The following PKP4 variants were observed in gnomAD, a reference collection of about 807,000 sequenced individuals.
The protein encoded by PKP4 is plakophilin-4.
In PKP4, 90 loss-of-function variants were observed where a neutral mutation model predicts 145.1. The ratio of observed to expected loss-of-function variants is 0.62; its 90% CI spans 0.52 to 0.74. The LOEUF is 0.74. Ranked by LOEUF, PKP4 falls within the 30% of genes least tolerant of loss-of-function variation. The probability of loss-of-function intolerance (pLI) is 0.00; values close to 1 mark genes in which losing one functional copy is unlikely to be tolerated. For missense variants in PKP4, 1,340 were observed against 1,482.7 expected, an observed-to-expected ratio of 0.90 and a Z score of 1.58; for synonymous variants, 563 against 577.2, an observed-to-expected ratio of 0.98 and a Z score of 0.35.
At position 158,554,429 on chromosome 2, in the gene PKP4, A is replaced by ATTTTT. The variant is rs563557560; in HGVS notation, c.132+21123_132+21127dup. 1.9e-3 allele frequency among the ~76,000 whole-genome samples: 273 copies of ATTTTT among 141,186 alleles called. 2 individuals carry two copies. The highest frequency in any genetic ancestry group is 6.8e-3 in the African/African-American group (263 of 38,406). 92.6% of individuals were successfully genotyped at this position (141,186 alleles called of 152,430 possible). A position where few individuals can be genotyped will look rare whatever the true frequency, so the allele number is the denominator to read the frequency against. The stretch of plus-strand genomic sequence containing the variant: ...TCACTCAGAAATAATTATTATTATT[A>ATTTTT]TTTTTTTTTTTTTTGAGACGGAGTC... On this transcript the variant is annotated intron_variant, in intron 2 of 21. Transcript: ENST00000389759.
At chr2:158,631,990 G>A in intron 8 of PKP4, 49 bp downstream of exon 8, 1 of 1,541,548 alleles carries the variant, frequency 6.5e-7, no homozygotes, top group Non-Finnish European at 9.0e-7. Flanking sequence ...AGGCCCCACA[G>A]TAGAAGTGTT....
At chr2:158,556,121 A>C (rs76230940) in intron 2 of PKP4, among the ~76,000 whole-genome samples, 1 of 152,368 alleles carries the variant, frequency 6.6e-6, no homozygotes, top group Non-Finnish European at 1.5e-5. Flanking sequence ...TGACATTGGC[A>C]AGTTTTGAAA....
At chr2:158,578,854 T>C (rs911597261) in intron 3 of PKP4, among the ~76,000 whole-genome samples, 1 of 152,122 alleles carries the variant, frequency 6.6e-6, no homozygotes, top group Non-Finnish European at 1.5e-5. Context: ...AATCCCCAGA[T>C]ATTGAAACTA....
At chr2:158,607,584 G>A (rs541639349) in intron 4 of PKP4, among the ~76,000 whole-genome samples, 2 of 152,062 alleles carry the variant, frequency 1.3e-5, no homozygotes, top group Admixed American at 6.6e-5. Flanking sequence ...GGCTTCAGAC[G>A]GGGAGATTTC....
intron 1 of PKP4, among the ~76,000 whole-genome samples, chr2:158,509,510 G>A (rs1328625473): frequency 2.0e-5 from 3 of 152,134 alleles, no homozygotes; most frequent in Admixed American, 6.5e-5. Context: ...TGAGACATAA[G>A]ACAATCAAGA....
At chr2:158,476,256 C>A (rs115077503) in intron 1 of PKP4, among the ~76,000 whole-genome samples, 1 of 152,136 alleles carries the variant, frequency 6.6e-6, no homozygotes, top group South Asian at 2.1e-4. Context: ...ACATGTACAG[C>A]GAAAAATGTG....
At chr2:158,564,884 C>G (rs1268466330) in intron 2 of PKP4, among the ~76,000 whole-genome samples, 1 of 152,162 alleles carries the variant, frequency 6.6e-6, no homozygotes, top group South Asian at 2.1e-4. Context: ...TTGCATCTGG[C>G]TCTTTAATTC....
At chr2:158,651,555 C>T (rs916268946) in intron 11 of PKP4, among the ~76,000 whole-genome samples, 6 of 152,078 alleles carry the variant, frequency 3.9e-5, no homozygotes, top group Non-Finnish European at 7.3e-5. Flanking sequence ...GTCACCTCTT[C>T]TGCTTCTTTC....
chr2:158,480,493 T>A (rs1458470600), intron 1 of PKP4, among the ~76,000 whole-genome samples: 1 of 151,428 alleles, frequency 6.6e-6, no homozygotes, highest in Non-Finnish European at 1.5e-5. Flanking sequence ...TACCTTGGCC[T>A]CCCAAAGTAG....
At chr2:158,545,697 C>T (rs1366816419) in intron 2 of PKP4, among the ~76,000 whole-genome samples, 1 of 152,058 alleles carries the variant, frequency 6.6e-6, no homozygotes, top group Non-Finnish European at 1.5e-5. Context: ...AAACCTGGTA[C>T]CATAGTTATT....
intron 4 of PKP4, among the ~76,000 whole-genome samples, chr2:158,613,057 C>G (rs1176457423): frequency 6.6e-6 from 1 of 152,148 alleles, no homozygotes; most frequent in African/African-American, 2.4e-5. Context: ...CAACATCTCA[C>G]TCCAGAGGTT....
At chr2:158,507,406 G>A (rs2041086580) in intron 1 of PKP4, among the ~76,000 whole-genome samples, 1 of 152,216 alleles carries the variant, frequency 6.6e-6, no homozygotes, top group Admixed American at 6.5e-5. Flanking sequence ...AGATGGTTTA[G>A]ATATCACAGT....
intron 2 of PKP4, among the ~76,000 whole-genome samples, chr2:158,560,288 G>C (rs555838826): frequency 6.6e-6 from 1 of 152,272 alleles, no homozygotes; most frequent in African/African-American, 2.4e-5. Context: ...AATAAATAGA[G>C]CATTATGGCT....
At chr2:158,529,286 G>A (rs990091158) in intron 1 of PKP4, among the ~76,000 whole-genome samples, 2 of 152,156 alleles carry the variant, frequency 1.3e-5, no homozygotes, top group Non-Finnish European at 2.9e-5. Flanking sequence ...TGGGATTATA[G>A]CCTAAAAAGC....
chr2:158,573,283 G>T (rs758545826), intron 2 of PKP4, among the ~76,000 whole-genome samples: 1 of 152,196 alleles, frequency 6.6e-6, no homozygotes, highest in Non-Finnish European at 1.5e-5. Flanking sequence ...TGCATAAATT[G>T]TGTGGACATA....
chr2:158,652,709 A>G (rs1179323852), intron 11 of PKP4, among the ~76,000 whole-genome samples: 1 of 152,174 alleles, frequency 6.6e-6, no homozygotes, highest in Non-Finnish European at 1.5e-5. Flanking sequence ...GAGCCCATAG[A>G]TGCAGAATAG....
chr2:158,494,816 G>A (rs78541623), intron 1 of PKP4, among the ~76,000 whole-genome samples: 1 of 151,942 alleles, frequency 6.6e-6, no homozygotes, highest in Non-Finnish European at 1.5e-5. Context: ...AGTGAGAATC[G>A]TGCCTACCTC....
intron 7 of PKP4, among the ~76,000 whole-genome samples, chr2:158,629,363 C>T (rs1422225214): frequency 6.6e-6 from 1 of 152,168 alleles, no homozygotes; most frequent in Non-Finnish European, 1.5e-5. Context: ...CCTGTCAGCT[C>T]GGCAAGGAAG....
intron 4 of PKP4, 44 bp from the exon 5 acceptor site, chr2:158,620,946 T>G (rs754028280): frequency 1.0e-5 from 16 of 1,565,884 alleles, no homozygotes; most frequent in African/African-American, 1.4e-5. Flanking sequence ...CAAGTTTTTA[T>G]GTAATGTTAT....
Sources: allele counts gnomAD v4.1 joint callset (sites outside exome capture counted in the v4.1 genomes callset), GRCh38; gene constraint gnomAD v4.1.1; transcripts MANE v1.5; gene names NCBI Gene and HGNC (gene_info 2026-07-23, HGNC 2026-07-21).